Variants in PCDHGA10 observed in about 807,000 individuals in gnomAD.
The protein encoded by PCDHGA10 is protocadherin gamma-A10.
In PCDHGA10, 42 loss-of-function variants were observed where a neutral mutation model predicts 59.5. That is an observed-to-expected ratio of 0.71 (90% CI 0.55 to 0.91). PCDHGA10 has a LOEUF of 0.91. Ranked by LOEUF, PCDHGA10 falls within the 40% of genes least tolerant of loss-of-function variation. The probability of loss-of-function intolerance (pLI) is 0.00; values close to 1 mark genes in which losing one functional copy is unlikely to be tolerated. For missense variants in PCDHGA10, 1,111 were observed against 1,198.2 expected (o/e 0.93, Z 1.07); for synonymous variants, 511 against 517.2 (o/e 0.99, Z 0.16).
intron 1 of PCDHGA10, chr5:141,428,239 G>T (rs1183885220): frequency 3.0e-6 from 3 of 997,526 alleles, no homozygotes; most frequent in Non-Finnish European, 4.6e-6. Flanking sequence ...CCTGCAGGAG[G>T]CACTGCCAGA....
chr5:141,417,618 G>A (rs370911891), intron 1 of PCDHGA10: 3 of 654,230 alleles, frequency 4.6e-6, no homozygotes, highest in Non-Finnish European at 7.4e-6. Context: ...CCAGTGCAGA[G>A]CAAGCGCTGA....
intron 1 of PCDHGA10, chr5:141,430,575 A>T (rs1056696427): frequency 2.2e-6 from 1 of 455,822 alleles, no homozygotes; most frequent in Non-Finnish European, 3.7e-6. Flanking sequence ...AAAAGCGGAG[A>T]TCCTGCTCGC....
chr5:141,501,290 T>TACACAC lies in PCDHGA10; in HGVS notation c.2496-4064_2496-4059dup, dbSNP rs55762287. Among the ~76,000 whole-genome samples the TACACAC allele has an allele frequency of 5.7e-3, 774 of 136,224 alleles. 5 individuals are homozygous for TACACAC. The highest frequency in any genetic ancestry group is 9.9e-3 in the African/African-American group (361 of 36,504). The allele number at this position is 136,224 out of a possible 152,430, so 89.4% of individuals were successfully genotyped here. A position where few individuals can be genotyped will look rare whatever the true frequency, so the allele number is the denominator to read the frequency against. ...GTCCAGTCTATGGGATATTCCCTTA[T>TACACAC]ACACACACACACACACACACACACA... On this transcript the variant is annotated intron_variant, in intron 2 of 3. Transcript: ENST00000398610.
At chr5:141,437,013 A>G (rs570721163) in intron 1 of PCDHGA10, among the ~76,000 whole-genome samples, 146 of 152,354 alleles carry the variant, frequency 9.6e-4, no homozygotes, top group Non-Finnish European at 1.2e-3. Flanking sequence ...ATCTTAGATA[A>G]TTTCACCAGA....
At position 141,415,533 on chromosome 5, in the gene PCDHGA10, G is replaced by A. The variant is rs749139053; in HGVS notation, c.2358G>A (p.Gln786=). 6.8e-6 allele frequency: 11 copies of A among 1,614,198 alleles called. No homozygotes were observed. The highest frequency in any genetic ancestry group is 6.8e-6 in the Non-Finnish European group (8 of 1,180,034). The change falls in exon 1 of 4, where the codon CAG becomes CAA. Residue 786 remains glutamine (Q), a synonymous_variant. Coordinates refer to ENST00000398610, the MANE Select transcript of PCDHGA10 (RefSeq NM_018913.3). ...QPNYADTLIS[Q]ESCEKNDPLS... ...ATTATGCGGACACGCTCATCAGCCA[G>A]GAGAGCTGTGAGAAAAACGATCCTT...
intron 1 of PCDHGA10, among the ~76,000 whole-genome samples, chr5:141,448,117 A>G (rs564444141): frequency 6.6e-6 from 1 of 152,094 alleles, no homozygotes; most frequent in Non-Finnish European, 1.5e-5. Flanking sequence ...AAAGAAAATT[A>G]GCCTCCCCCA....
intron 1 of PCDHGA10, among the ~76,000 whole-genome samples, chr5:141,463,966 A>C (rs923614502): frequency 4.6e-5 from 7 of 152,196 alleles, no homozygotes; most frequent in African/African-American, 1.7e-4. Context: ...AAATAGCTTC[A>C]TAAAACTCCA....
At chr5:141,484,968 C>A (rs2099604490) in intron 1 of PCDHGA10, 2 of 585,734 alleles carry the variant, frequency 3.4e-6, no homozygotes, top group African/African-American at 3.7e-5. Context: ...GCCCGGGAGC[C>A]GCTGTCTGCC....
At chr5:141,416,657 A>C (rs1194195210) in intron 1 of PCDHGA10, 6 of 152,232 alleles carry the variant, frequency 3.9e-5, no homozygotes, top group Non-Finnish European at 7.3e-5. Context: ...TGTAAAAAAG[A>C]AAAGAATATA....
In PCDHGA10 at chr5:141,432,212, G is replaced by T. The variant is rs2097468822; in HGVS notation, c.2436+16601G>T. 8 of 1,614,184 alleles carry T rather than the reference G, an allele frequency of 5.0e-6. No homozygotes were observed. In the East Asian group the frequency reaches 1.3e-4, roughly 27 times the overall value. ...CCACGACCCCGACTGTGAAGAGAAC[G>T]CCCAGATCACTTATTCCCTGGCTGA... On this transcript the variant is annotated intron_variant, in intron 1 of 3. Transcript: ENST00000398610. The surrounding 1 kb of genome is among the most constrained non-coding windows in gnomAD (Gnocchi z 6.0).
Position 141,413,902 on chromosome 5 carries a change from G to A in PCDHGA10, c.727G>A (p.Ala243Thr). The A allele has an allele frequency of 1.9e-6, 3 of 1,613,252 alleles. No homozygotes were observed. The highest frequency in any genetic ancestry group is 2.2e-5 in the East Asian group (1 of 44,806). ...GACTGTCTTCGATGCAAATGACAAC[G>A]CGCCGGTCTTCACCTTGCCAGAATA... is the stretch of plus-strand genomic sequence containing the variant. ...SVTVFDANDN[A>T]PVFTLPEYRV... Residue 243 changes from alanine (A) to threonine (T), a missense_variant, in exon 1 of 4, where the codon GCG becomes ACG. Coordinates refer to ENST00000398610, the MANE Select transcript of PCDHGA10 (RefSeq NM_018913.3).
intron 1 of PCDHGA10, chr5:141,426,438 G>A (rs567163831): frequency 4.7e-5 from 14 of 300,110 alleles, no homozygotes; most frequent in Admixed American, 1.7e-4. Context: ...GGAACCTTGC[G>A]GAGGACATGC....
rs2099404773 is a variant in PCDHGA10 at position 141,477,081 on chromosome 5, T to C, written c.2437-17726T>C. ...GACACCAAACTCCATGAGATTTACA[T>C]CCAGGCCAAAGACAAGGGCGCCAAT... On this transcript the variant is annotated intron_variant, in intron 1 of 3. Transcript: ENST00000398610. The surrounding 1 kb of genome is among the most constrained non-coding windows in gnomAD (Gnocchi z 4.9). 6.2e-7 allele frequency: 1 copy of C among 1,614,104 alleles called. No individual in the cohort carries two copies. Among genetic ancestry groups the C allele is most frequent in the Non-Finnish European group, 8.5e-7 (1 of 1,180,052 alleles).
chr5:141,492,552 T>A (rs1444534113), intron 1 of PCDHGA10, among the ~76,000 whole-genome samples: 1 of 152,084 alleles, frequency 6.6e-6, no homozygotes, highest in African/African-American at 2.4e-5. Context: ...CCGGGTCGCC[T>A]GGGGGGCGGC....
Position 141,512,554 on chromosome 5 carries a change from T to TAG in PCDHGA10, c.*1383_*1384dup, listed in dbSNP as rs2099884300. ...AAGTTCCCCAGTGCCTCCTTGTGCA[T>TAG]AGACCTTCTTCTCCCACCCCCTTCT... is the stretch of plus-strand genomic sequence containing the variant. On this transcript the variant is annotated 3_prime_UTR_variant, in exon 4 of 4. Coordinates refer to ENST00000398610, the MANE Select transcript of PCDHGA10 (RefSeq NM_018913.3). 6.5e-6 allele frequency: 1 copy of TAG among 153,012 alleles called. No homozygotes were observed. Among genetic ancestry groups the TAG allele is most frequent in the Non-Finnish European group, 1.5e-5 (1 of 68,482 alleles). 9.5% of individuals were successfully genotyped at this position (153,012 alleles called of 1,614,324 possible).
intron 1 of PCDHGA10, among the ~76,000 whole-genome samples, chr5:141,465,995 A>G (rs551920109): frequency 1.4e-3 from 208 of 151,976 alleles, no homozygotes; most frequent in African/African-American, 4.8e-3. Context: ...GGTGGCAGGC[A>G]CCTGTAGTCC....
At chr5:141,474,893 T>C (rs1406276730) in intron 1 of PCDHGA10, among the ~76,000 whole-genome samples, 1 of 152,256 alleles carries the variant, frequency 6.6e-6, no homozygotes, top group East Asian at 1.9e-4. Flanking sequence ...TAGAGGTTCA[T>C]TTCTTGTTCA....
At chr5:141,418,802 T>G (rs775155011) in intron 1 of PCDHGA10, 1 of 1,613,862 alleles carries the variant, frequency 6.2e-7, no homozygotes, top group Non-Finnish European at 8.5e-7. Flanking sequence ...AGTAGAAAGA[T>G]ATACGATAAA....
In PCDHGA10 at chr5:141,413,322, G is replaced by A; in HGVS notation, c.147G>A (p.Val49=). The change falls in exon 1 of 4, where the codon GTG becomes GTA. Residue 49 remains valine (V), a synonymous_variant. Transcript: ENST00000398610. ...IPEELEKGSF[V]GNISKDLGLA... ...AGGAATTAGAGAAAGGCTCTTTCGTGGGCAACATCTCCAAGGACTTGGGTC... is the reference window on the plus strand; with the variant it reads ...AGGAATTAGAGAAAGGCTCTTTCGTAGGCAACATCTCCAAGGACTTGGGTC... 1.2e-6 allele frequency: 2 copies of A among 1,613,940 alleles called. No homozygotes were observed. Among genetic ancestry groups the A allele is most frequent in the Non-Finnish European group, 1.7e-6 (2 of 1,179,902 alleles).
Sources: allele counts gnomAD v4.1 joint callset (sites outside exome capture counted in the v4.1 genomes callset), GRCh38; gene constraint gnomAD v4.1.1; non-coding constraint Gnocchi (gnomAD v3.1); transcripts MANE v1.5; gene names NCBI Gene and HGNC (gene_info 2026-07-23, HGNC 2026-07-21).